The following SLC9A3 variants were observed in gnomAD, a reference collection of about 807,000 sequenced individuals.
SLC9A3 encodes the protein solute carrier family 9 member A3.
A neutral mutation model predicts 86.8 loss-of-function variants in SLC9A3; 37 were observed. The ratio of observed to expected loss-of-function variants is 0.43; its 90% CI spans 0.33 to 0.56. The LOEUF (loss-of-function observed/expected upper bound fraction) is 0.56, where lower values mean the gene tolerates loss of function less well. Ranked by LOEUF, SLC9A3 falls within the 20% of genes least tolerant of loss-of-function variation. SLC9A3 has a pLI of 0.06. For missense variants in SLC9A3, 1,011 were observed against 1,171.9 expected (o/e 0.86, Z 2.00); for synonymous variants, 581 against 528.3 (o/e 1.10, Z -1.37).
At chr5:515,735 C>A (rs1380342713) in intron 1 of SLC9A3, among the ~76,000 whole-genome samples, 5 of 134,450 alleles carry the variant, frequency 3.7e-5, no homozygotes, top group East Asian at 2.3e-4. Context: ...ACTCACACAC[C>A]CACACACTCC....
At chr5:502,526 A>T (rs1440231201) in intron 1 of SLC9A3, among the ~76,000 whole-genome samples, 2 of 152,256 alleles carry the variant, frequency 1.3e-5, no homozygotes, top group African/African-American at 4.8e-5. Context: ...GGGCAACGGA[A>T]GTCACGAGAC....
At chr5:509,612 C>G (rs1457105852) in intron 1 of SLC9A3, among the ~76,000 whole-genome samples, 1 of 152,092 alleles carries the variant, frequency 6.6e-6, no homozygotes, top group East Asian at 1.9e-4. Context: ...GATGGAGAAC[C>G]GCGGACAGGC....
Position 512,712 on chromosome 5 carries a change from T to TG in SLC9A3, c.211+11399_211+11400insC, listed in dbSNP as rs763785967. On this transcript the variant is annotated intron_variant, in intron 1 of 16. Coordinates refer to ENST00000264938, the MANE Select transcript of SLC9A3 (RefSeq NM_004174.4). ...CTAAGAAAGGGTGTCCCCGAAGCTGTTGGGGGGGCACTCCTTTTGGGGTGA... is the reference window on the plus strand; with the variant it reads ...CTAAGAAAGGGTGTCCCCGAAGCTGTGTGGGGGGGCACTCCTTTTGGGGTGA... Among the ~76,000 whole-genome samples the TG allele has an allele frequency of 1.1e-3, 173 of 151,336 alleles. 6 individuals are homozygous for TG. In the East Asian group the frequency reaches 0.014, roughly 12 times the overall value.
rs1165226137 is a variant in SLC9A3 at position 472,445 on chromosome 5, G to A, written c.*934C>T. 1 of 332,844 alleles carries A rather than the reference G, an allele frequency of 3.0e-6. No homozygotes were observed. The highest frequency in any genetic ancestry group is 5.9e-6 in the Non-Finnish European group (1 of 169,918). 20.6% of individuals were successfully genotyped at this position (332,844 alleles called of 1,614,324 possible). On this transcript the variant is annotated 3_prime_UTR_variant, in exon 17 of 17. Transcript: ENST00000264938. ...AAGGACTGGCCGTGATTCTTGGCAA[G>A]CTCCGCCCGCCAGGCCACCTCTCAC...
At chr5:506,100 T>A (rs1016510506) in intron 1 of SLC9A3, among the ~76,000 whole-genome samples, 4 of 152,214 alleles carry the variant, frequency 2.6e-5, no homozygotes, top group African/African-American at 9.6e-5. Flanking sequence ...TGAGGGCAGC[T>A]TCCCAAGCCT....
In SLC9A3 at chr5:472,149, G is replaced by C. The variant is rs987322669; in HGVS notation, c.*1230C>G. On this transcript the variant is annotated 3_prime_UTR_variant, in exon 17 of 17. Transcript: ENST00000264938. ...GAGCACCCTCCCCGGCTCAGCACCC[G>C]CGGCCTCCGCCCACTCAATGGACTG... 2.6e-6 allele frequency: 1 copy of C among 382,282 alleles called. No individual in the cohort carries two copies. Among genetic ancestry groups the C allele is most frequent in the Non-Finnish European group, 5.2e-6 (1 of 193,342 alleles). The allele number at this position is 382,282 out of a possible 1,614,324, so 23.7% of individuals were successfully genotyped here. A position where few individuals can be genotyped will look rare whatever the true frequency, so the allele number is the denominator to read the frequency against.
rs1740004971 is a variant in SLC9A3, at chr5:496,170, A to G, written c.212-4099T>C. ...CATAGGTGGGAGGGCGGCGGTTTGG[A>G]ACATTCTGCCATCCGGGGTTGGAAA... On this transcript the variant is annotated intron_variant, in intron 1 of 16. Coordinates refer to ENST00000264938, the MANE Select transcript of SLC9A3 (RefSeq NM_004174.4). This position sits in a 1 kb window ranked among gnomAD's most constrained non-coding sequence, Gnocchi z 4.7. 1.3e-5 allele frequency among the ~76,000 whole-genome samples: 2 copies of G among 152,238 alleles called. No individual in the cohort carries two copies. The highest frequency in any genetic ancestry group is 4.8e-5 in the African/African-American group (2 of 41,460).
rs1256289828 is a variant in SLC9A3 at position 516,087 on chromosome 5, T to C, written c.211+8025A>G. Among the ~76,000 whole-genome samples the C allele has an allele frequency of 1.1e-4, 14 of 127,570 alleles. 1 individual carries two copies. Among genetic ancestry groups the C allele is most frequent in the African/African-American group, 2.1e-4 (7 of 33,434 alleles). The allele number at this position is 127,570 out of a possible 152,430, so 83.7% of individuals were successfully genotyped here. A position where few individuals can be genotyped will look rare whatever the true frequency, so the allele number is the denominator to read the frequency against. On this transcript the variant is annotated intron_variant, in intron 1 of 16. Transcript: ENST00000264938. The stretch of plus-strand genomic sequence containing the variant: ...ACACACACTCTCCCCCTAACCCTCA[T>C]CCACACTTTTTGCCTCGGGCACTTC...
intron 3 of SLC9A3, among the ~76,000 whole-genome samples, chr5:486,002 G>A (rs1329336122): frequency 6.6e-6 from 1 of 152,220 alleles, no homozygotes; most frequent in Non-Finnish European, 1.5e-5. Flanking sequence ...GGCACACGGG[G>A]CTGTCACTCT....
At chr5:486,685 G>C (rs1212298046) in intron 3 of SLC9A3, among the ~76,000 whole-genome samples, 1 of 152,210 alleles carries the variant, frequency 6.6e-6, no homozygotes, top group Admixed American at 6.5e-5. Context: ...CGTGAAAAAG[G>C]GGAGTATGGC....
At chr5:481,458 C>T in intron 9 of SLC9A3, 107 bp downstream of exon 9, 1 of 981,904 alleles carries the variant, frequency 1.0e-6, no homozygotes, top group Non-Finnish European at 1.6e-6. Context: ...CCTGACCAAG[C>T]CTGGACTCAA....
rs1307132565 is a variant in SLC9A3, at chr5:496,800, C to T, written c.212-4729G>A. On this transcript the variant is annotated intron_variant, in intron 1 of 16. Transcript: ENST00000264938. This position sits in a 1 kb window ranked among gnomAD's most constrained non-coding sequence, Gnocchi z 4.7. ...GTGGTTCACACCTGTAATCCCAATA[C>T]AACAGTTTGGGAGGCCAAGGCAGGT... 6.6e-6 allele frequency among the ~76,000 whole-genome samples: 1 copy of T among 152,146 alleles called. No homozygotes were observed. The highest frequency in any genetic ancestry group is 1.5e-5 in the Non-Finnish European group (1 of 68,030).
chr5:482,040 C>CA (rs753174589), intron 8 of SLC9A3, 28 bp downstream of exon 8: 8 of 503,792 alleles, frequency 1.6e-5, no homozygotes, highest in Admixed American at 1.5e-4. Context: ...CGCAGTGCCC[C>CA]CCCCCCGCCC....
At position 476,346 on chromosome 5, in the gene SLC9A3, C is replaced by A. The variant is rs139579128; in HGVS notation, c.1923G>T (p.Thr641=). The A allele has an allele frequency of 1.2e-6, 2 of 1,613,904 alleles. No homozygotes were observed. The highest frequency in any genetic ancestry group is 1.7e-6 in the Non-Finnish European group (2 of 1,180,010). ...YKHLYSRHEL[T]PTEDEKQDRE... is the part of the protein sequence containing the mutation. ...GGTCCTGTTTCTCGTCCTCCGTGGG[C>A]GTGAGCTCGTGTCGGCTGTACAGAT... is the stretch of plus-strand genomic sequence containing the variant. The change falls in exon 13 of 17, where the codon ACG becomes ACT. Residue 641 remains threonine, a synonymous_variant. Transcript: ENST00000264938.
At chr5:500,527 G>A (rs1160470751) in intron 1 of SLC9A3, among the ~76,000 whole-genome samples, 1 of 150,594 alleles carries the variant, frequency 6.6e-6, no homozygotes, top group Non-Finnish European at 1.5e-5. Context: ...CAGTGTGGAC[G>A]GGGCTGGTGT....
chr5:514,773 C>T (rs918400038), intron 1 of SLC9A3, among the ~76,000 whole-genome samples: 3 of 152,228 alleles, frequency 2.0e-5, no homozygotes, highest in African/African-American at 7.2e-5. Flanking sequence ...AAACCCTTTC[C>T]CAACAAAGAA....
chr5:479,706 C>T (rs941093147), intron 10 of SLC9A3, 130 bp downstream of exon 10: 49 of 885,010 alleles, frequency 5.5e-5, no homozygotes, highest in East Asian at 1.8e-4. Context: ...ATCAGCCTCC[C>T]GTGAACTGCT....
intron 1 of SLC9A3, among the ~76,000 whole-genome samples, chr5:502,510 G>A (rs921904496): frequency 6.6e-6 from 1 of 152,238 alleles, no homozygotes; most frequent in Admixed American, 6.5e-5. Flanking sequence ...CGGTCGCAAC[G>A]TCCTGGGGCA....
At chr5:504,454 T>C (rs1740451294) in intron 1 of SLC9A3, among the ~76,000 whole-genome samples, 2 of 152,176 alleles carry the variant, frequency 1.3e-5, no homozygotes, top group South Asian at 4.1e-4. Context: ...GCCGTTGGAT[T>C]TGGCCCTCGG....
Sources: gnomAD v4.1 joint callset for allele counts (sites outside exome capture counted in the v4.1 genomes callset) on GRCh38, gnomAD v4.1.1 for gene constraint, Gnocchi (gnomAD v3.1) non-coding constraint, MANE v1.5 for transcripts, NCBI Gene and HGNC (gene_info 2026-07-23, HGNC 2026-07-21) for gene names.